RORB: variants seen among roughly 807,000 people sequenced by gnomAD.
The protein encoded by RORB is nuclear receptor ROR-beta.
A neutral mutation model predicts 59.1 loss-of-function variants in RORB; 6 were observed. That is an observed-to-expected ratio of 0.10 (90% CI 0.06 to 0.20). The LOEUF is 0.20. Ranked by LOEUF, RORB falls within the 10% of genes least tolerant of loss-of-function variation. RORB has a pLI of 1.00. For missense variants in RORB, 320 were observed against 560.5 expected, an observed-to-expected ratio of 0.57 and a Z score of 4.33; for synonymous variants, 215 against 204.5, an observed-to-expected ratio of 1.05 and a Z score of -0.44.
chr9:74,513,408 C>T (rs111722269), intron 1 of RORB, among the ~76,000 whole-genome samples: 25 of 151,886 alleles, frequency 1.6e-4, no homozygotes, highest in African/African-American at 5.8e-4. Context: ...TTTGCCATTA[C>T]GTCAGCAAAA....
At chr9:74,613,619 T>C (rs1823266216) in intron 1 of RORB, among the ~76,000 whole-genome samples, 1 of 152,180 alleles carries the variant, frequency 6.6e-6, no homozygotes, top group Non-Finnish European at 1.5e-5. Flanking sequence ...TCAATATTTT[T>C]AAGCTCTCTG....
At chr9:74,623,946 A>G (rs12339959) in intron 1 of RORB, among the ~76,000 whole-genome samples, 4,959 of 152,304 alleles carry the variant, frequency 0.033, 265 homozygotes, top group African/African-American at 0.11. Flanking sequence ...TTAACTTATC[A>G]GTATTTTCTC....
intron 1 of RORB, among the ~76,000 whole-genome samples, chr9:74,593,702 G>T (rs1822933873): frequency 6.6e-6 from 1 of 152,146 alleles, no homozygotes; most frequent in Non-Finnish European, 1.5e-5. Flanking sequence ...TGGAAAAGAA[G>T]GGACAGGACA....
intron 1 of RORB, among the ~76,000 whole-genome samples, chr9:74,507,933 A>G (rs907025490): frequency 4.6e-5 from 7 of 152,022 alleles, no homozygotes; most frequent in Non-Finnish European, 7.4e-5. Context: ...AACACATCAT[A>G]TCGTTAAGGT....
chr9:74,678,947 G>T (rs527898374), intron 9 of RORB, among the ~76,000 whole-genome samples: 2 of 150,838 alleles, frequency 1.3e-5, no homozygotes, highest in East Asian at 3.9e-4. Flanking sequence ...CAGGAGAATC[G>T]CTTGAACCCA....
chr9:74,581,913 A>T (rs1170291352), intron 1 of RORB, among the ~76,000 whole-genome samples: 1 of 151,984 alleles, frequency 6.6e-6, no homozygotes, highest in African/African-American at 2.4e-5. Flanking sequence ...GTAGATGATT[A>T]TTTTACATTC....
rs772735170 is a variant in RORB, at chr9:74,665,481, C to T, written c.893-7C>T. ...ATTTTATTTTTATTTTTATTTTTTA[C>T]TCATAGGTTGCTTGGAAGTGGTTTT... On this transcript the variant is annotated splice_polypyrimidine_tract_variant and splice_region_variant and intron_variant, in intron 6 of 9. Coordinates refer to ENST00000376896, the MANE Select transcript of RORB (RefSeq NM_006914.4). 37 of 1,548,422 alleles carry T rather than the reference C, an allele frequency of 2.4e-5. No homozygotes were observed. Among genetic ancestry groups the T allele is most frequent in the East Asian group, 6.8e-5 (3 of 44,332 alleles).
intron 6 of RORB, 86 bp from the exon 7 acceptor site, chr9:74,665,402 C>G (rs1809480015): frequency 2.9e-6 from 2 of 697,548 alleles, no homozygotes; most frequent in Admixed American, 6.0e-5. Flanking sequence ...TTGAAAGTCT[C>G]TTACCTATAT....
At chr9:74,498,329 C>A in intron 1 of RORB, 1 of 327,646 alleles carries the variant, frequency 3.1e-6, no homozygotes, top group Non-Finnish European at 5.7e-6. Flanking sequence ...AAGAGGGATG[C>A]CTCTGGACAG....
rs1355179821 is a variant in RORB at position 74,642,575 on chromosome 9, C to T, written c.397C>T (p.Leu133=). The part of the protein sequence containing the change: ...SSSISNGLSN[L]NNETSGTYAN... ...CAGCATTAGCAACGGCCTGAGCAAC[C>T]TGAACAACGAGACCAGCGGCACTTA... Residue 133 remains leucine, a synonymous_variant, in exon 4 of 10, where the codon CTG becomes TTG. Coordinates refer to ENST00000376896, the MANE Select transcript of RORB (RefSeq NM_006914.4). 1.2e-6 allele frequency: 2 copies of T among 1,614,194 alleles called. No individual in the cohort carries two copies. The highest frequency in any genetic ancestry group is 1.7e-6 in the Non-Finnish European group (2 of 1,180,042).
At position 74,574,525 on chromosome 9, in the gene RORB, T is replaced by C. The variant is rs546517911; in HGVS notation, c.8-55757T>C. Among the ~76,000 whole-genome samples, 278 of 152,162 alleles carry C rather than the reference T, an allele frequency of 1.8e-3. 2 individuals carry two copies. Among genetic ancestry groups the C allele is most frequent in the Non-Finnish European group, 2.5e-3 (170 of 67,950 alleles). ...TAAGGAGCTCTAAAAAATAAATAAA[T>C]AAAGCATGGAATCTGGTAAAAACAT... On this transcript the variant is annotated intron_variant, in intron 1 of 9. Coordinates refer to ENST00000376896, the MANE Select transcript of RORB (RefSeq NM_006914.4).
At chr9:74,674,112 C>T (rs1824393943) in intron 9 of RORB, among the ~76,000 whole-genome samples, 1 of 152,144 alleles carries the variant, frequency 6.6e-6, no homozygotes, top group Non-Finnish European at 1.5e-5. Flanking sequence ...ACAAATGTGC[C>T]ATCACTGTCT....
At chr9:74,685,155 G>C (rs948545081) in intron 9 of RORB, among the ~76,000 whole-genome samples, 1 of 151,704 alleles carries the variant, frequency 6.6e-6, no homozygotes, top group Non-Finnish European at 1.5e-5. Flanking sequence ...CCCAACTACA[G>C]AGCACCCACT....
chr9:74,497,440 G>C lies in RORB; in HGVS notation c.-537G>C, dbSNP rs753782281. On this transcript the variant is annotated 5_prime_UTR_variant, in exon 1 of 10. Coordinates refer to ENST00000376896, the MANE Select transcript of RORB (RefSeq NM_006914.4). The stretch of plus-strand genomic sequence containing the variant: ...ACAGGCACAGATGTCATGTGAAAAC[G>C]CACATGCTCTGCCATCCACACCGCC... 63 of 156,320 alleles carry C rather than the reference G, an allele frequency of 4.0e-4. No homozygotes were observed. Among genetic ancestry groups the C allele is most frequent in the Non-Finnish European group, 7.2e-4 (51 of 70,848 alleles). 9.7% of individuals were successfully genotyped at this position (156,320 alleles called of 1,614,324 possible). A position where few individuals can be genotyped will look rare whatever the true frequency, so the allele number is the denominator to read the frequency against.
At chr9:74,598,275 A>G (rs1403039234) in intron 1 of RORB, among the ~76,000 whole-genome samples, 1 of 152,052 alleles carries the variant, frequency 6.6e-6, no homozygotes, top group Admixed American at 6.6e-5. Flanking sequence ...TTCCTAGACA[A>G]TCTACTAGGA....
chr9:74,642,463 T>G lies in RORB; in HGVS notation c.285T>G (p.Ala95=), dbSNP rs1486374109. 6.2e-7 allele frequency: 1 copy of G among 1,614,140 alleles called. No homozygotes were observed. The highest frequency in any genetic ancestry group is 8.5e-7 in the Non-Finnish European group (1 of 1,180,004). ...MSKKQRDSLY[A]EVQKHQQRLQ... ...AGAAGCAAAGGGACAGCCTGTATGC[T>G]GAGGTGCAGAAGCACCAGCAGCGGC... The change falls in exon 4 of 10, where the codon GCT becomes GCG. Residue 95 remains alanine, a synonymous_variant. Transcript: ENST00000376896.
intron 8 of RORB, among the ~76,000 whole-genome samples, chr9:74,669,282 C>T (rs555567676): frequency 2.0e-5 from 3 of 152,272 alleles, no homozygotes; most frequent in South Asian, 4.1e-4. Flanking sequence ...AGTTTGAGAG[C>T]AGCCTGGCTA....
intron 3 of RORB, among the ~76,000 whole-genome samples, chr9:74,640,730 T>C (rs1587400723): frequency 6.6e-6 from 1 of 152,068 alleles, no homozygotes; most frequent in Non-Finnish European, 1.5e-5. Context: ...TGCATTTACT[T>C]CCCCTTAATC....
intron 1 of RORB, among the ~76,000 whole-genome samples, chr9:74,506,449 T>C (rs911695263): frequency 1.3e-5 from 2 of 152,180 alleles, no homozygotes; most frequent in South Asian, 4.1e-4. Context: ...GAGTTGCTGA[T>C]CAGGCTGAAA....
Sources: gnomAD v4.1 joint callset for allele counts (sites outside exome capture counted in the v4.1 genomes callset) on GRCh38, gnomAD v4.1.1 for gene constraint, MANE v1.5 for transcripts, NCBI Gene and HGNC (gene_info 2026-07-23, HGNC 2026-07-21) for gene names.